ADSL: variants seen among roughly 807,000 people sequenced by gnomAD.
The protein encoded by ADSL is adenylosuccinase.
ADSL carries 44 observed loss-of-function variants against 62.1 expected under a neutral mutation model. The ratio of observed to expected loss-of-function variants is 0.71; its 90% CI spans 0.56 to 0.91. The LOEUF is 0.91. Ranked by LOEUF, ADSL falls within the 40% of genes least tolerant of loss-of-function variation. ADSL has a pLI of 0.00. For synonymous variants in ADSL, 198 were observed against 220.5 expected, an observed-to-expected ratio of 0.90 and a Z score of 0.90; for missense variants, 531 against 627.4, an observed-to-expected ratio of 0.85 and a Z score of 1.64.
intron 2 of ADSL, among the ~76,000 whole-genome samples, chr22:40,381,522 C>G (rs943344243): frequency 3.3e-5 from 5 of 152,138 alleles, no homozygotes; most frequent in Non-Finnish European, 7.3e-5. Context: ...TATTATTACT[C>G]CAAATTTAAA....
intron 2 of ADSL, among the ~76,000 whole-genome samples, chr22:40,381,851 C>T (rs769142803): frequency 3.9e-5 from 6 of 152,124 alleles, no homozygotes; most frequent in Non-Finnish European, 8.8e-5. Context: ...CCCAGCTACT[C>T]AGGAGGCTGG....
chr22:40,358,167 T>G (rs957135013), intron 4 of ADSL, among the ~76,000 whole-genome samples: 7 of 152,212 alleles, frequency 4.6e-5, no homozygotes, highest in African/African-American at 1.7e-4. Context: ...CCTTGTTGTA[T>G]TTCCAATAGT....
At chr22:40,354,792 C>G (rs990121450) in intron 4 of ADSL, among the ~76,000 whole-genome samples, 4 of 151,762 alleles carry the variant, frequency 2.6e-5, no homozygotes, top group African/African-American at 9.7e-5. Context: ...TCACTTGAAC[C>G]CGGGACGCGG....
At chr22:40,364,093 A>G (rs1439215838) in intron 10 of ADSL, among the ~76,000 whole-genome samples, 183 bp from the exon 11 acceptor site, 6 of 152,172 alleles carry the variant, frequency 3.9e-5, no homozygotes, top group Non-Finnish European at 8.8e-5. Flanking sequence ...AAAAGAAAAA[A>G]AAAATCCGAA....
Position 40,349,949 on chromosome 22 carries a change from C to T in ADSL, c.271C>T (p.His91Tyr), listed in dbSNP as rs755518176. Residue 91 changes from histidine (H) to tyrosine (Y), a missense_variant, in exon 2 of 13, where the codon CAC (histidine) becomes TAC (tyrosine). This residue lies in a region of ADSL where 471 missense variants were observed against 592.9 expected (regional missense o/e 0.79). Transcript: ENST00000623063. ...EKRLRHDVMA[H>Y]VHTFGHCCPK... Reference sequence around the variant, plus strand: ...ACGTTTACGACATGATGTGATGGCTCACGTGCACACATTTGGCCACTGCTG... The same window carrying T: ...ACGTTTACGACATGATGTGATGGCTTACGTGCACACATTTGGCCACTGCTG... 4 of 1,614,124 alleles carry T rather than the reference C, an allele frequency of 2.5e-6. No homozygotes were observed. The highest frequency in any genetic ancestry group is 3.4e-6 in the Non-Finnish European group (4 of 1,180,020).
intron 1 of ADSL, 48 bp downstream of exon 1, chr22:40,346,759 C>G: frequency 6.5e-7 from 1 of 1,550,284 alleles, no homozygotes; most frequent in South Asian, 1.2e-5. Context: ...ACGGGCCCGC[C>G]CCAGCACGTG....
At chr22:40,379,111 G>A (rs953803042) in intron 2 of ADSL, among the ~76,000 whole-genome samples, 1 of 152,204 alleles carries the variant, frequency 6.6e-6, no homozygotes, top group African/African-American at 2.4e-5. Context: ...GACATACAGT[G>A]TGGTCTCTTA....
chr22:40,354,926 A>G (rs866004203), intron 4 of ADSL, among the ~76,000 whole-genome samples: 59 of 152,236 alleles, frequency 3.9e-4, no homozygotes, highest in African/African-American at 1.3e-3. Context: ...TAAGTAAGGC[A>G]TAGTATTCAT....
At chr22:40,353,621 C>CTTTTTTTTTT (rs772788908) in intron 3 of ADSL, among the ~76,000 whole-genome samples, 1 of 114,804 alleles carries the variant, frequency 8.7e-6, no homozygotes. Flanking sequence ...AAAGCATAGC[C>CTTTTTTTTTT]TTTTTTTTTT....
intron 2 of ADSL, among the ~76,000 whole-genome samples, chr22:40,384,630 A>G (rs2048136720): frequency 6.6e-6 from 1 of 152,094 alleles, no homozygotes; most frequent in Non-Finnish European, 1.5e-5. Flanking sequence ...AATACAAAAA[A>G]TTAGCTGGGC....
At chr22:40,363,823 G>A (rs1444866756) in intron 10 of ADSL, among the ~76,000 whole-genome samples, 1 of 151,914 alleles carries the variant, frequency 6.6e-6, no homozygotes, top group Non-Finnish European at 1.5e-5. Flanking sequence ...GACAGGGCGC[G>A]GTGGCTTACG....
intron 11 of ADSL, 31 bp from the exon 12 acceptor site, chr22:40,364,849 G>A (rs1379356791): frequency 2.5e-6 from 4 of 1,610,706 alleles, no homozygotes; most frequent in East Asian, 2.2e-5. Flanking sequence ...CCTGTTAGTA[G>A]GGAACTGACA....
At chr22:40,361,229 A>G (rs1314569267) in intron 7 of ADSL, 44 bp from the exon 8 acceptor site, 1 of 1,579,340 alleles carries the variant, frequency 6.3e-7, no homozygotes, top group African/African-American at 1.3e-5. Flanking sequence ...ACTCTACTGC[A>G]CACTGACAGT....
intron 9 of ADSL, among the ~76,000 whole-genome samples, chr22:40,361,946 C>T (rs2044806610): frequency 6.6e-6 from 1 of 152,146 alleles, no homozygotes; most frequent in Non-Finnish European, 1.5e-5. Flanking sequence ...ATTATAAAGG[C>T]ACAAAGCAGG....
intron 10 of ADSL, among the ~76,000 whole-genome samples, chr22:40,363,596 C>T (rs1001120870): frequency 6.6e-6 from 1 of 151,970 alleles, no homozygotes; most frequent in African/African-American, 2.4e-5. Context: ...ATTAGCTGGG[C>T]GTGTTGGCGG....
Position 40,364,272 on chromosome 22 carries a change from A to G in ADSL, c.1102-4A>G, listed in dbSNP as rs371780382. The G allele has an allele frequency of 8.1e-6, 13 of 1,613,242 alleles. No individual in the cohort carries two copies. The African/African-American group carries it at 1.3e-4, about 17-fold the overall frequency. The stretch of plus-strand genomic sequence containing the variant: ...TTGGTCATTCACCGTATCTTTTCCT[A>G]TAGGTAATTGAACGGCGCATTCGGC... On this transcript the variant is annotated splice_polypyrimidine_tract_variant and splice_region_variant and intron_variant, in intron 10 of 12. Transcript: ENST00000623063.
chr22:40,360,260 A>G (rs978531704), intron 6 of ADSL, 142 bp from the exon 7 acceptor site: 1 of 671,054 alleles, frequency 1.5e-6, no homozygotes, highest in African/African-American at 1.8e-5. Context: ...AGAGTCTCCC[A>G]GTGATGCTTA....
At chr22:40,359,580 C>G (rs1442572753) in intron 6 of ADSL, among the ~76,000 whole-genome samples, 2 of 151,254 alleles carry the variant, frequency 1.3e-5, no homozygotes, top group Admixed American at 6.6e-5. Flanking sequence ...CTCTGTCACC[C>G]AGGCTGGAGT....
chr22:40,378,127 T>TGG (rs1288732681), intron 2 of ADSL: 2 of 152,094 alleles, frequency 1.3e-5, no homozygotes, highest in African/African-American at 2.4e-5. Context: ...AGGAGTAATA[T>TGG]GGGTTTAGTA....
Sources: allele counts gnomAD v4.1 joint callset (sites outside exome capture counted in the v4.1 genomes callset), GRCh38; gene constraint gnomAD v4.1.1; regional missense constraint gnomAD v4.1.1; transcripts MANE v1.5; gene names NCBI Gene and HGNC (gene_info 2026-07-23, HGNC 2026-07-21).